AK5: variants seen among roughly 807,000 people sequenced by gnomAD.
AK5 encodes adenylate kinase 5, also known as adenylate kinase isoenzyme 5.
Under a neutral mutation model 69.5 loss-of-function variants are expected in AK5, and 27 were observed. The ratio of observed to expected loss-of-function variants is 0.39; its 90% confidence interval spans 0.29 to 0.54. AK5 has a LOEUF of 0.54. Among genes scored for constraint, AK5 ranks in the 20% least tolerant of loss-of-function variants. AK5 has a pLI of 0.71. For missense variants in AK5, 531 were observed against 700.4 expected, an observed-to-expected ratio of 0.76 and a Z score of 2.73; for synonymous variants, 260 against 244.4, an observed-to-expected ratio of 1.06 and a Z score of -0.60.
chr1:77,299,277 G>A (rs1004465104), intron 5 of AK5, among the ~76,000 whole-genome samples: 2 of 151,654 alleles, frequency 1.3e-5, no homozygotes, highest in Non-Finnish European at 2.9e-5. Context: ...TCTTCCTTAT[G>A]TGAATTGCTT....
chr1:77,517,811 A>C (rs1048906666), intron 10 of AK5, among the ~76,000 whole-genome samples: 11 of 152,258 alleles, frequency 7.2e-5, no homozygotes, highest in African/African-American at 2.7e-4. Flanking sequence ...GGAAAGCAGA[A>C]GGACATGGCA....
intron 8 of AK5, among the ~76,000 whole-genome samples, chr1:77,455,500 T>C (rs1340975287): frequency 1.3e-5 from 2 of 151,996 alleles, no homozygotes; most frequent in Admixed American, 1.3e-4. Context: ...AGTTTTGAGA[T>C]TTAATAGTGA....
intron 8 of AK5, among the ~76,000 whole-genome samples, chr1:77,463,903 TA>T (rs1653988194): frequency 6.6e-6 from 1 of 152,154 alleles, no homozygotes; most frequent in Non-Finnish European, 1.5e-5. Flanking sequence ...GCTTACATGA[TA>T]GGGGTAGGAG....
intron 5 of AK5, among the ~76,000 whole-genome samples, chr1:77,302,382 T>C (rs1659392017): frequency 6.6e-6 from 1 of 152,234 alleles, no homozygotes; most frequent in South Asian, 2.1e-4. Flanking sequence ...ATTAAGCTGC[T>C]TTCTTTTTTA....
At chr1:77,365,528 A>G (rs1045519006) in intron 6 of AK5, among the ~76,000 whole-genome samples, 5 of 152,172 alleles carry the variant, frequency 3.3e-5, no homozygotes, top group African/African-American at 1.2e-4. Context: ...GTGGAAAACA[A>G]TTTTTCCATG....
intron 6 of AK5, among the ~76,000 whole-genome samples, chr1:77,409,794 C>A (rs1388975797): frequency 6.6e-6 from 1 of 152,116 alleles, no homozygotes; most frequent in Non-Finnish European, 1.5e-5. Flanking sequence ...CTTTTCATAT[C>A]TTTGTCATGA....
chr1:77,495,344 C>T (rs1045240221), intron 10 of AK5, among the ~76,000 whole-genome samples: 6 of 152,110 alleles, frequency 3.9e-5, no homozygotes, highest in African/African-American at 1.4e-4. Flanking sequence ...GAGACGTTTG[C>T]CATAATTATT....
At chr1:77,291,901 A>T (rs1658708679) in intron 2 of AK5, among the ~76,000 whole-genome samples, 1 of 152,216 alleles carries the variant, frequency 6.6e-6, no homozygotes, top group Admixed American at 6.5e-5. Flanking sequence ...TGGATTAGGA[A>T]GTCAGCAAAG....
chr1:77,357,620 C>A (rs1662603054), intron 6 of AK5, among the ~76,000 whole-genome samples: 1 of 152,308 alleles, frequency 6.6e-6, no homozygotes, highest in African/African-American at 2.4e-5. Flanking sequence ...TCTTCTACTG[C>A]ATGCTCAGTT....
rs1373468832 is a variant in AK5 at position 77,409,046 on chromosome 1, G to A, written c.892-1935G>A. On this transcript the variant is annotated intron_variant, in intron 6 of 13. Transcript: ENST00000354567. ...TTCTGTTCCTGCATTAGTTTTGTAA[G>A]GACAATGACCTCCAGTTCCATCTGT... 1.2e-4 allele frequency among the ~76,000 whole-genome samples: 19 copies of A among 152,292 alleles called. No individual in the cohort carries two copies. The East Asian group carries it at 3.7e-3, about 29-fold the overall frequency.
chr1:77,282,090 G>T lies in AK5; in HGVS notation c.-224G>T, dbSNP rs1041873384. Reference sequence around the variant, plus strand: ...CGGCGCCTGCAGCTCCGGCTCGGGGGCTGGAACCGAAGCGGGGGCGGCGGG... The same window carrying T: ...CGGCGCCTGCAGCTCCGGCTCGGGGTCTGGAACCGAAGCGGGGGCGGCGGG... On this transcript the variant is annotated 5_prime_UTR_variant, in exon 1 of 14. Coordinates refer to ENST00000354567, the MANE Select transcript of AK5 (RefSeq NM_174858.3). 15 of 409,700 alleles carry T rather than the reference G, an allele frequency of 3.7e-5. No individual in the cohort carries two copies. The South Asian group carries it at 7.8e-4, about 21-fold the overall frequency. 25.4% of individuals were successfully genotyped at this position (409,700 alleles called of 1,614,324 possible).
intron 6 of AK5, among the ~76,000 whole-genome samples, chr1:77,410,269 G>A (rs1649950060): frequency 6.6e-6 from 1 of 151,600 alleles, no homozygotes; most frequent in African/African-American, 2.4e-5. Flanking sequence ...TGGTTTGGAG[G>A]TTTTGTTGTT....
At chr1:77,352,159 A>T (rs1267778917) in intron 6 of AK5, among the ~76,000 whole-genome samples, 1 of 151,728 alleles carries the variant, frequency 6.6e-6, no homozygotes, top group East Asian at 1.9e-4. Flanking sequence ...CGAACTCCTG[A>T]CCTTGTGATC....
intron 8 of AK5, among the ~76,000 whole-genome samples, chr1:77,424,472 G>C (rs1651057561): frequency 6.6e-6 from 1 of 151,662 alleles, no homozygotes; most frequent in Admixed American, 6.6e-5. Context: ...GCCCAGGCTG[G>C]GAATTTTTTA....
intron 8 of AK5, among the ~76,000 whole-genome samples, chr1:77,447,832 A>G (rs1874817): frequency 0.31 from 47,387 of 152,066 alleles, 7,900 homozygotes; most frequent in East Asian, 0.59. Context: ...TTACAAAAGG[A>G]TTGGGTAGTA....
intron 6 of AK5, among the ~76,000 whole-genome samples, chr1:77,344,346 T>C (rs1156617493): frequency 6.6e-6 from 1 of 152,248 alleles, no homozygotes; most frequent in African/African-American, 2.4e-5. Context: ...AACTTCTTCA[T>C]AGAACTTTCT....
At chr1:77,484,835 A>G (rs1655488258) in intron 9 of AK5, among the ~76,000 whole-genome samples, 1 of 152,220 alleles carries the variant, frequency 6.6e-6, no homozygotes, top group Admixed American at 6.5e-5. Context: ...AATGTTTTGT[A>G]TATATCACAA....
In AK5 at chr1:77,552,011, T is replaced by C. The variant is rs190158657; in HGVS notation, c.1621-6591T>C. 2.6e-4 allele frequency among the ~76,000 whole-genome samples: 40 copies of C among 152,262 alleles called. 1 individual carries two copies. The East Asian group carries it at 3.3e-3, about 12-fold the overall frequency. On this transcript the variant is annotated intron_variant, in intron 13 of 13. Transcript: ENST00000354567. ...ACTCTTAAACCTTCTCCTAGGCCCA[T>C]CTGTGCACTTCCTCGTAAAACCCAG...
At chr1:77,506,024 A>C (rs1657003560) in intron 10 of AK5, among the ~76,000 whole-genome samples, 3 of 152,336 alleles carry the variant, frequency 2.0e-5, no homozygotes, top group Middle Eastern at 6.8e-3. Flanking sequence ...GGTGTGTTTA[A>C]AAATCTGGAA....
Sources: gnomAD v4.1 joint callset for allele counts (sites outside exome capture counted in the v4.1 genomes callset) on GRCh38, gnomAD v4.1.1 for gene constraint, MANE v1.5 for transcripts, NCBI Gene and HGNC (gene_info 2026-07-23, HGNC 2026-07-21) for gene names.